CDC14A: variants seen among roughly 807,000 people sequenced by gnomAD.
CDC14A encodes the protein cell division cycle 14A, also known as dual specificity protein phosphatase CDC14A.
In CDC14A, 53 loss-of-function variants were observed where a neutral mutation model predicts 74.4. The ratio of observed to expected loss-of-function variants is 0.71; its 90% CI spans 0.57 to 0.89. CDC14A has a LOEUF of 0.89. Among genes scored for constraint, CDC14A ranks in the 40% least tolerant of loss-of-function variants. The pLI is 0.00. For missense variants in CDC14A, 646 were observed against 713.7 expected, an observed-to-expected ratio of 0.91 and a Z score of 1.08; for synonymous variants, 247 against 258.4, an observed-to-expected ratio of 0.96 and a Z score of 0.43.
intron 4 of CDC14A, among the ~76,000 whole-genome samples, chr1:100,414,367 G>A (rs910112604): frequency 3.9e-5 from 6 of 152,172 alleles, no homozygotes; most frequent in Non-Finnish European, 5.9e-5. Flanking sequence ...ACAGATAAAT[G>A]TTTGGAGTAT....
Position 100,352,581 on chromosome 1 carries a change from A to T in CDC14A, c.-374A>T. On this transcript the variant is annotated 5_prime_UTR_variant, in exon 1 of 16. Transcript: ENST00000336454. ...AGTAGCCACGGGCGCGATCGGGACC[A>T]GAAGTCTCCTCCTCCATGATCACTT... 1 of 1,083,268 alleles carries T rather than the reference A, an allele frequency of 9.2e-7. No individual in the cohort carries two copies. Among genetic ancestry groups the T allele is most frequent in the Non-Finnish European group, 1.1e-6 (1 of 892,098 alleles). The allele number at this position is 1,083,268 out of a possible 1,614,324, so 67.1% of individuals were successfully genotyped here. A position where few individuals can be genotyped will look rare whatever the true frequency, so the allele number is the denominator to read the frequency against.
At position 100,464,409 on chromosome 1, in the gene CDC14A, C is replaced by A. The variant is rs572939806; in HGVS notation, c.838+1528C>A. On this transcript the variant is annotated intron_variant, in intron 9 of 15. Coordinates refer to ENST00000336454, the MANE Select transcript of CDC14A (RefSeq NM_003672.4). ...TGGGGTGCCAGTGTGTTGGCTTGTC[C>A]CCATGTGATTCATTTGCACCCTGTT... Among the ~76,000 whole-genome samples, 8 of 152,286 alleles carry A rather than the reference C, an allele frequency of 5.3e-5. No individual in the cohort carries two copies. In the South Asian group the frequency reaches 1.7e-3, roughly 32 times the overall value.
intron 4 of CDC14A, among the ~76,000 whole-genome samples, chr1:100,404,957 A>G (rs1175800529): frequency 2.0e-5 from 3 of 152,236 alleles, no homozygotes; most frequent in African/African-American, 7.2e-5. Flanking sequence ...TTTAATAAGA[A>G]ATAATATTTG....
intron 15 of CDC14A, among the ~76,000 whole-genome samples, chr1:100,506,541 G>T (rs1649256546): frequency 6.6e-6 from 1 of 152,182 alleles, no homozygotes. Flanking sequence ...TGCAGTATTT[G>T]TAGATATATG....
chr1:100,446,754 G>A (rs1665583230), intron 7 of CDC14A, among the ~76,000 whole-genome samples: 1 of 152,180 alleles, frequency 6.6e-6, no homozygotes, highest in Non-Finnish European at 1.5e-5. Context: ...CTGGAGTGCA[G>A]TGGTGCAACC....
intron 3 of CDC14A, among the ~76,000 whole-genome samples, chr1:100,378,287 T>A (rs940570772): frequency 5.3e-5 from 8 of 152,208 alleles, no homozygotes; most frequent in Non-Finnish European, 8.8e-5. Context: ...ATACCTAGTT[T>A]TAGTAAACTT....
At chr1:100,392,392 G>T (rs1382968811) in intron 4 of CDC14A, among the ~76,000 whole-genome samples, 1 of 151,730 alleles carries the variant, frequency 6.6e-6, no homozygotes, top group Non-Finnish European at 1.5e-5. Context: ...CGTGTTATTT[G>T]TGGATCCTTT....
chr1:100,462,868 C>T lies in CDC14A; in HGVS notation c.825C>T (p.Ala275=), dbSNP rs7543221. 17,321 of 1,613,466 alleles carry T rather than the reference C, an allele frequency of 0.011. 1,538 individuals carry two copies. The African/African-American group carries it at 0.2, about 18-fold the overall frequency. The change falls in exon 9 of 16, where the codon GCC becomes GCT. Residue 275 remains alanine, a synonymous_variant. Coordinates refer to ENST00000336454, the MANE Select transcript of CDC14A (RefSeq NM_003672.4). ...GTGAGAACACCGAAGGGGCCATCGC[C>T]GTTCACTGCAAAGGTGTGTGCAAGG... is the stretch of plus-strand genomic sequence containing the variant. The part of the protein sequence containing the change: ...NICENTEGAI[A]VHCKAGLGRT...
chr1:100,496,992 A>G (rs967538679), intron 13 of CDC14A, among the ~76,000 whole-genome samples: 1 of 152,254 alleles, frequency 6.6e-6, no homozygotes, highest in Admixed American at 6.5e-5. Flanking sequence ...ACCTGCTCAG[A>G]ATCCAGCATT....
chr1:100,489,482 T>G (rs1670396182), intron 11 of CDC14A, among the ~76,000 whole-genome samples: 1 of 152,158 alleles, frequency 6.6e-6, no homozygotes, highest in South Asian at 2.1e-4. Flanking sequence ...TTTATCTAGC[T>G]GAAATCTGTG....
intron 4 of CDC14A, among the ~76,000 whole-genome samples, chr1:100,410,210 TAA>T (rs879569475): frequency 7.3e-6 from 1 of 136,106 alleles, no homozygotes. Context: ...AGACTCTGGC[TAA>T]AAAAAAAAAA....
chr1:100,464,019 T>A (rs1454360564), intron 9 of CDC14A, among the ~76,000 whole-genome samples: 1 of 152,210 alleles, frequency 6.6e-6, no homozygotes, highest in Non-Finnish European at 1.5e-5. Flanking sequence ...CTGCTGTAAC[T>A]GACTTATTCA....
intron 8 of CDC14A, among the ~76,000 whole-genome samples, chr1:100,462,062 C>G (rs1667367179): frequency 6.6e-6 from 1 of 152,080 alleles, no homozygotes; most frequent in Non-Finnish European, 1.5e-5. Flanking sequence ...TTTTCTTTGA[C>G]CAATATCCTC....
At position 100,505,349 on chromosome 1, in the gene CDC14A, G is replaced by A. The variant is rs570963032; in HGVS notation, c.1755+6087G>A. 3.3e-5 allele frequency among the ~76,000 whole-genome samples: 5 copies of A among 152,196 alleles called. No homozygotes were observed. The South Asian group carries it at 8.3e-4, about 25-fold the overall frequency. ...GTTTTCCACCTCAAATTTGACAAACGTAAGAACAATCTTGGTAGCCTATGA... is the reference window on the plus strand; with the variant it reads ...GTTTTCCACCTCAAATTTGACAAACATAAGAACAATCTTGGTAGCCTATGA... On this transcript the variant is annotated intron_variant, in intron 15 of 15. Transcript: ENST00000336454.
chr1:100,474,330 C>T (rs913997254), intron 10 of CDC14A, among the ~76,000 whole-genome samples: 1 of 151,992 alleles, frequency 6.6e-6, no homozygotes, highest in African/African-American at 2.4e-5. Flanking sequence ...GGTTTTGTGT[C>T]AGGATAATAC....
At chr1:100,405,235 G>A (rs1659790702) in intron 4 of CDC14A, among the ~76,000 whole-genome samples, 1 of 152,096 alleles carries the variant, frequency 6.6e-6, no homozygotes, top group Non-Finnish European at 1.5e-5. Flanking sequence ...TTAGAACATG[G>A]CTCATTTATA....
At chr1:100,434,397 G>A (rs1664073469) in intron 5 of CDC14A, among the ~76,000 whole-genome samples, 1 of 152,166 alleles carries the variant, frequency 6.6e-6, no homozygotes, top group Admixed American at 6.5e-5. Flanking sequence ...CAGGCCTTGT[G>A]GCCACAGTGA....
intron 2 of CDC14A, among the ~76,000 whole-genome samples, chr1:100,356,789 G>T (rs1651960542): frequency 6.6e-6 from 1 of 151,088 alleles, no homozygotes; most frequent in Admixed American, 6.6e-5. Context: ...GGACCTGGTA[G>T]GTGGAGGTTG....
At chr1:100,455,902 C>G (rs1666633350) in intron 8 of CDC14A, among the ~76,000 whole-genome samples, 1 of 152,212 alleles carries the variant, frequency 6.6e-6, no homozygotes, top group Non-Finnish European at 1.5e-5. Context: ...GACAATCTGT[C>G]ATTTACTGAA....
Sources: gnomAD v4.1 joint callset for allele counts (sites outside exome capture counted in the v4.1 genomes callset) on GRCh38, gnomAD v4.1.1 for gene constraint, MANE v1.5 for transcripts, NCBI Gene and HGNC (gene_info 2026-07-23, HGNC 2026-07-21) for gene names.